The following SLC4A8 variants were observed in gnomAD, a reference collection of about 807,000 sequenced individuals.
The protein encoded by SLC4A8 is solute carrier family 4 member 8, also known as electroneutral sodium bicarbonate exchanger 1.
Under a neutral mutation model 125.0 loss-of-function variants are expected in SLC4A8, and 40 were observed. The observed-to-expected ratio is 0.32, with a 90% CI of 0.25 to 0.42. SLC4A8 has a LOEUF of 0.42. SLC4A8 is among the 10% of genes least tolerant of loss of function. The probability of loss-of-function intolerance (pLI) is 1.00; values close to 1 mark genes in which losing one functional copy is unlikely to be tolerated. For synonymous variants in SLC4A8, 456 were observed against 476.0 expected, an observed-to-expected ratio of 0.96 and a Z score of 0.55; for missense variants, 863 against 1,355.1, an observed-to-expected ratio of 0.64 and a Z score of 5.70.
Position 51,510,536 on chromosome 12 carries a change from A to AT in SLC4A8, c.*3104dup, listed in dbSNP as rs1472879995. 2 of 151,996 alleles carry AT rather than the reference A, an allele frequency of 1.3e-5. No individual in the cohort carries two copies. Among genetic ancestry groups the AT allele is most frequent in the Non-Finnish European group, 2.9e-5 (2 of 68,006 alleles). The allele number at this position is 151,996 out of a possible 1,614,324, so 9.4% of individuals were successfully genotyped here. ...TCGACCTTTCCATCAAGGATCTTGA[A>AT]TTTTTTCTCAATTATGCTTGCTAAT... is the stretch of plus-strand genomic sequence containing the variant. On this transcript the variant is annotated 3_prime_UTR_variant, in exon 25 of 25. Coordinates refer to ENST00000453097, the MANE Select transcript of SLC4A8 (RefSeq NM_001039960.3).
chr12:51,419,868 A>G (rs1431350074), upstream of SLC4A8, among the ~76,000 whole-genome samples: 1 of 152,202 alleles, frequency 6.6e-6, no homozygotes, highest in Non-Finnish European at 1.5e-5. Context: ...GATGATGACG[A>G]ATAGTGGGGA....
At position 51,507,633 on chromosome 12, in the gene SLC4A8, G is replaced by C. The variant is rs553087740; in HGVS notation, c.*195G>C. ...GCATCCAGCTATCCCCATACCAGCA[G>C]CCAGTCACCAGATGTGAATGTGGAA... On this transcript the variant is annotated 3_prime_UTR_variant, in exon 25 of 25. Transcript: ENST00000453097. 1 of 441,690 alleles carries C rather than the reference G, an allele frequency of 2.3e-6. No homozygotes were observed. Among genetic ancestry groups the C allele is most frequent in the Admixed American group, 3.8e-5 (1 of 26,452 alleles). 27.4% of individuals were successfully genotyped at this position (441,690 alleles called of 1,614,324 possible).
chr12:51,490,647 C>T lies in SLC4A8; in HGVS notation c.2700+696C>T, dbSNP rs542830494. 3.3e-5 allele frequency among the ~76,000 whole-genome samples: 5 copies of T among 150,256 alleles called. No homozygotes were observed. In the South Asian group the frequency reaches 6.3e-4, roughly 19 times the overall value. ...CATGGAAGGAGGGGAGAAAAGCAGT[C>T]TAGTCAGGCCCTTAGGTGGGAAAGA... On this transcript the variant is annotated intron_variant, in intron 19 of 24. Coordinates refer to ENST00000453097, the MANE Select transcript of SLC4A8 (RefSeq NM_001039960.3).
chr12:51,448,494 A>G (rs185411321), intron 2 of SLC4A8, among the ~76,000 whole-genome samples: 10 of 152,312 alleles, frequency 6.6e-5, no homozygotes, highest in African/African-American at 2.4e-4. Flanking sequence ...GTAGAAGTGA[A>G]TTTTGAAAAC....
At position 51,511,231 on chromosome 12, in the gene SLC4A8, A is replaced by G. The variant is rs1938356322; in HGVS notation, c.*3793A>G. On this transcript the variant is annotated 3_prime_UTR_variant, in exon 25 of 25. Coordinates refer to ENST00000453097, the MANE Select transcript of SLC4A8 (RefSeq NM_001039960.3). The stretch of plus-strand genomic sequence containing the variant: ...GGCATGGTACAGTGCTGCGGAGGCA[A>G]GGCAAGGCTGTCATGGTGATTTTCA... The G allele has an allele frequency of 6.6e-6, 1 of 152,168 alleles. No individual in the cohort carries two copies. The highest frequency in any genetic ancestry group is 2.4e-5 in the African/African-American group (1 of 41,416). The allele number at this position is 152,168 out of a possible 1,614,324, so 9.4% of individuals were successfully genotyped here.
chr12:51,501,015 G>A (rs1033654326), intron 22 of SLC4A8, among the ~76,000 whole-genome samples: 9 of 152,246 alleles, frequency 5.9e-5, no homozygotes, highest in African/African-American at 1.9e-4. Context: ...ATTTTTAGTA[G>A]AGACCGGGTT....
At chr12:51,394,915 G>A (rs558431000) in intron 1 of SLC4A8, among the ~76,000 whole-genome samples, 6 of 152,314 alleles carry the variant, frequency 3.9e-5, no homozygotes, top group South Asian at 2.1e-4. Flanking sequence ...TGTGGTCCCA[G>A]TTACTTCGGA....
intron 11 of SLC4A8, among the ~76,000 whole-genome samples, chr12:51,465,939 A>G (rs1447943017): frequency 1.3e-5 from 2 of 152,216 alleles, no homozygotes; most frequent in African/African-American, 2.4e-5. Context: ...TCTGGGTTTT[A>G]TAATTTTTCG....
At chr12:51,493,577 T>C in intron 19 of SLC4A8, 127 bp from the exon 20 acceptor site, 1 of 666,076 alleles carries the variant, frequency 1.5e-6, no homozygotes. Context: ...CAGCAGAAAC[T>C]AATGCAATGT....
chr12:51,463,955 G>A (rs1464062879), intron 11 of SLC4A8, among the ~76,000 whole-genome samples: 1 of 152,000 alleles, frequency 6.6e-6, no homozygotes, highest in Non-Finnish European at 1.5e-5. Flanking sequence ...TCCTACCATT[G>A]TTCCCTCTGA....
chr12:51,439,483 C>A (rs1199986954), intron 1 of SLC4A8, among the ~76,000 whole-genome samples: 1 of 151,790 alleles, frequency 6.6e-6, no homozygotes, highest in Non-Finnish European at 1.5e-5. Flanking sequence ...AGGCTGAGAT[C>A]AAAGAGATCA....
chr12:51,476,774 C>T (rs1054837083), intron 16 of SLC4A8, among the ~76,000 whole-genome samples: 37 of 151,926 alleles, frequency 2.4e-4, no homozygotes, highest in African/African-American at 7.7e-4. Flanking sequence ...AATAAAAAAC[C>T]TTCTTGGTGT....
At chr12:51,440,285 C>T (rs1353541232) in intron 1 of SLC4A8, among the ~76,000 whole-genome samples, 3 of 152,218 alleles carry the variant, frequency 2.0e-5, no homozygotes, top group South Asian at 2.1e-4. Flanking sequence ...GCTCATGACA[C>T]GTCCTAGTAA....
rs867911070 is a variant in SLC4A8, at chr12:51,416,215, T to G, written c.-111-24493T>G. ...CCTGTTTGATGGAGGTCTTTTGTTT[T>G]TTTTTTTTTTTTTTTTTGAGAATTT... is the stretch of plus-strand genomic sequence containing the variant. On this transcript the variant is annotated intron_variant, in intron 1 of 24. Coordinates refer to the SLC4A8 transcript ENST00000358657. 3.4e-3 allele frequency among the ~76,000 whole-genome samples: 488 copies of G among 144,418 alleles called. 3 individuals carry two copies. Among genetic ancestry groups the G allele is most frequent in the African/African-American group, 0.011 (447 of 39,158 alleles). The allele number at this position is 144,418 out of a possible 152,430, so 94.7% of individuals were successfully genotyped here. A position where few individuals can be genotyped will look rare whatever the true frequency, so the allele number is the denominator to read the frequency against.
At chr12:51,458,838 C>T (rs567465356) in intron 7 of SLC4A8, among the ~76,000 whole-genome samples, 188 bp downstream of exon 7, 33 of 152,216 alleles carry the variant, frequency 2.2e-4, no homozygotes, top group Non-Finnish European at 4.1e-4. Context: ...CTGGATGAAG[C>T]TGACTCAACA....
At chr12:51,465,905 C>T (rs533098969) in intron 11 of SLC4A8, among the ~76,000 whole-genome samples, 56 of 152,278 alleles carry the variant, frequency 3.7e-4, no homozygotes, top group Admixed American at 7.2e-4. Context: ...CTTTCCTGGA[C>T]TGCACAAACT....
intron 2 of SLC4A8, among the ~76,000 whole-genome samples, chr12:51,444,219 T>C (rs1472221342): frequency 6.6e-6 from 1 of 152,116 alleles, no homozygotes; most frequent in East Asian, 1.9e-4. Context: ...CAGAATCCAG[T>C]TAGATGGACT....
At chr12:51,441,768 A>G (rs1592189437) in intron 2 of SLC4A8, among the ~76,000 whole-genome samples, 1 of 152,184 alleles carries the variant, frequency 6.6e-6, no homozygotes, top group Non-Finnish European at 1.5e-5. Flanking sequence ...TACAACCTCC[A>G]GAGAAAACTT....
chr12:51,481,678 C>A (rs1054478127), intron 16 of SLC4A8, among the ~76,000 whole-genome samples: 1 of 152,032 alleles, frequency 6.6e-6, no homozygotes, highest in African/African-American at 2.4e-5. Flanking sequence ...CACAGTGGCT[C>A]AGGCCTGTAA....
Sources: allele counts gnomAD v4.1 joint callset (sites outside exome capture counted in the v4.1 genomes callset), GRCh38; gene constraint gnomAD v4.1.1; transcripts MANE v1.5; gene names NCBI Gene and HGNC (gene_info 2026-07-23, HGNC 2026-07-21).